SRPK1: variants seen among roughly 807,000 people sequenced by gnomAD.
SRPK1 encodes the protein SFRS protein kinase 1.
Under a neutral mutation model 89.5 loss-of-function variants are expected in SRPK1, and 52 were observed. That is an observed-to-expected ratio of 0.58 (90% CI 0.46 to 0.73). The LOEUF is 0.73. SRPK1 is among the 30% of genes least tolerant of loss of function. The probability of loss-of-function intolerance (pLI) is 0.00; values close to 1 mark genes in which losing one functional copy is unlikely to be tolerated. For synonymous variants in SRPK1, 255 were observed against 270.2 expected (o/e 0.94, Z 0.55); for missense variants, 603 against 780.6 (o/e 0.77, Z 2.71).
intron 6 of SRPK1, among the ~76,000 whole-genome samples, chr6:35,886,497 C>A (rs1770412607): frequency 6.6e-6 from 1 of 152,118 alleles, no homozygotes; most frequent in Non-Finnish European, 1.5e-5. Context: ...TTTGATTTCG[C>A]TTTAATTTGC....
At chr6:35,902,232 CAAAAAAAAAA>C (rs58763282) in intron 2 of SRPK1, among the ~76,000 whole-genome samples, 1 of 83,588 alleles carries the variant, frequency 1.2e-5, no homozygotes, top group Non-Finnish European at 2.4e-5. Context: ...TCCGTCTCTA[CAAAAAAAAAA>C]AAAAAAAAAA....
chr6:35,872,792 A>T, intron 7 of SRPK1, 64 bp from the exon 8 acceptor site: 10 of 1,348,634 alleles, frequency 7.4e-6, no homozygotes, highest in Non-Finnish European at 8.9e-6. Flanking sequence ...GAAGTAAGAG[A>T]TTATAACATG....
At chr6:35,903,563 C>T (rs1159176422) in intron 2 of SRPK1, among the ~76,000 whole-genome samples, 2 of 151,588 alleles carry the variant, frequency 1.3e-5, no homozygotes, top group African/African-American at 2.4e-5. Flanking sequence ...TAGCCTTGTT[C>T]AAAATGCCTA....
chr6:35,908,286 A>G (rs1770892265), intron 2 of SRPK1, among the ~76,000 whole-genome samples: 1 of 152,204 alleles, frequency 6.6e-6, no homozygotes, highest in African/African-American at 2.4e-5. Context: ...GATGTAGCAA[A>G]GTTTGGAGCT....
intron 2 of SRPK1, among the ~76,000 whole-genome samples, chr6:35,914,449 A>G (rs1771045826): frequency 1.3e-5 from 2 of 152,204 alleles, no homozygotes; most frequent in Non-Finnish European, 2.9e-5. Context: ...AGATACAAGA[A>G]CACTCCCATT....
At chr6:35,908,459 T>C (rs1368035589) in intron 2 of SRPK1, among the ~76,000 whole-genome samples, 2 of 152,212 alleles carry the variant, frequency 1.3e-5, no homozygotes, top group Non-Finnish European at 2.9e-5. Flanking sequence ...GCCCCTGCCC[T>C]AGAGATCTGT....
intron 2 of SRPK1, among the ~76,000 whole-genome samples, chr6:35,894,617 A>G (rs1770592349): frequency 6.6e-6 from 1 of 152,192 alleles, no homozygotes; most frequent in Non-Finnish European, 1.5e-5. Flanking sequence ...CAGTGTTAAG[A>G]AGACTCTAAA....
chr6:35,887,816 A>G, intron 5 of SRPK1: 1 of 386,756 alleles, frequency 2.6e-6, no homozygotes. Context: ...GCGTGTAAGA[A>G]GAATTCTCAT....
At position 35,846,556 on chromosome 6, in the gene SRPK1, C is replaced by CAA. The variant is rs35150778; in HGVS notation, c.1621-3954_1621-3953dup. On this transcript the variant is annotated intron_variant, in intron 13 of 15. Transcript: ENST00000373825. ...GCATGACAGAGTGAGACTGTGTCTC[C>CAA]AAAAAAAAAAAAAAGACTAAAAAAA... 2.0e-3 allele frequency among the ~76,000 whole-genome samples: 229 copies of CAA among 116,492 alleles called. 1 individual carries two copies. Among genetic ancestry groups the CAA allele is most frequent in the African/African-American group, 5.3e-3 (167 of 31,614 alleles). 76.4% of individuals were successfully genotyped at this position (116,492 alleles called of 152,430 possible). A position where few individuals can be genotyped will look rare whatever the true frequency, so the allele number is the denominator to read the frequency against.
rs1207713040 is a variant in SRPK1 at position 35,872,553 on chromosome 6, G to C, written c.751+10C>G. On this transcript the variant is annotated intron_variant, in intron 8 of 15. Transcript: ENST00000373825. ...TCTAATGATAGCGAAGTCCCTAAAA[G>C]AAAATACACCTGCAGATCCGGAAGG... The C allele has an allele frequency of 4.4e-6, 7 of 1,584,778 alleles. No homozygotes were observed. The highest frequency in any genetic ancestry group is 6.0e-6 in the Non-Finnish European group (7 of 1,169,844).
intron 12 of SRPK1, among the ~76,000 whole-genome samples, chr6:35,864,748 G>T (rs946038604): frequency 6.6e-6 from 1 of 152,172 alleles, no homozygotes; most frequent in African/African-American, 2.4e-5. Context: ...TCCGATGTTT[G>T]TTGTAGCACT....
intron 12 of SRPK1, among the ~76,000 whole-genome samples, chr6:35,858,255 T>G (rs1769706128): frequency 6.6e-6 from 1 of 152,144 alleles, no homozygotes; most frequent in African/African-American, 2.4e-5. Context: ...CACCAGATTT[T>G]GAAGTACATA....
chr6:35,919,380 CT>C (rs1434084802), intron 2 of SRPK1, among the ~76,000 whole-genome samples: 1 of 152,156 alleles, frequency 6.6e-6, no homozygotes, highest in Non-Finnish European at 1.5e-5. Context: ...CTACACCCCC[CT>C]AATCTGGTAT....
chr6:35,835,305 T>C lies in SRPK1; in HGVS notation c.1967A>G (p.Ter656=), dbSNP rs1769154265. ...ECLRHPWLNS[*] is the part of the protein sequence containing the mutation. ...TCTGCTGTGGTGCTGGGCAGGGGCT[T>C]AGGAGTTAAGCCAAGGGTGCCGGAG... Residue 656 remains the stop codon, a stop_retained_variant, in exon 16 of 16, where the codon TAA becomes TGA. Transcript: ENST00000373825. 1 of 1,612,742 alleles carries C rather than the reference T, an allele frequency of 6.2e-7. No individual in the cohort carries two copies. Among genetic ancestry groups the C allele is most frequent in the African/African-American group, 1.3e-5 (1 of 74,890 alleles).
rs1196727037 is a variant in SRPK1, at chr6:35,834,634, CTTACA to C, written c.*665_*669del. 1 of 152,114 alleles carries C rather than the reference CTTACA, an allele frequency of 6.6e-6. No homozygotes were observed. Among genetic ancestry groups the C allele is most frequent in the African/African-American group, 2.4e-5 (1 of 41,412 alleles). 9.4% of individuals were successfully genotyped at this position (152,114 alleles called of 1,614,324 possible). On this transcript the variant is annotated 3_prime_UTR_variant, in exon 16 of 16. Coordinates refer to ENST00000373825, the MANE Select transcript of SRPK1 (RefSeq NM_003137.5). ...TTACTATTCAATGGTTCTGTTTTTG[CTTACA>C]TTAAAAATCAGACTGAAGATTCAAA...
chr6:35,840,862 G>T (rs1228531971), intron 14 of SRPK1, among the ~76,000 whole-genome samples: 1 of 152,122 alleles, frequency 6.6e-6, no homozygotes, highest in East Asian at 1.9e-4. Flanking sequence ...GTACTAACTG[G>T]TATAGGATGG....
intron 6 of SRPK1, among the ~76,000 whole-genome samples, chr6:35,880,023 G>A (rs969332177): frequency 2.0e-5 from 3 of 150,756 alleles, no homozygotes; most frequent in South Asian, 2.1e-4. Flanking sequence ...TTCGCACCAC[G>A]GCACTCCAGC....
intron 6 of SRPK1, among the ~76,000 whole-genome samples, chr6:35,882,099 A>G (rs1770304161): frequency 6.8e-6 from 1 of 147,492 alleles, no homozygotes; most frequent in South Asian, 2.1e-4. Context: ...TAGTAGTAGT[A>G]GCAATAGTAG....
intron 12 of SRPK1, among the ~76,000 whole-genome samples, chr6:35,863,234 T>C (rs72919002): frequency 0.22 from 33,132 of 151,702 alleles, 4,646 homozygotes; most frequent in South Asian, 0.37. Context: ...CTGGAACAAG[T>C]AGAAGAATCT....
Sources: allele counts gnomAD v4.1 joint callset (sites outside exome capture counted in the v4.1 genomes callset), GRCh38; gene constraint gnomAD v4.1.1; transcripts MANE v1.5; gene names NCBI Gene and HGNC (gene_info 2026-07-23, HGNC 2026-07-21).